Variants in SURF1 observed in about 807,000 individuals in gnomAD.
The protein encoded by SURF1 is surfeit locus protein 1.
Under a neutral mutation model 34.1 loss-of-function variants are expected in SURF1, and 45 were observed. That is an observed-to-expected ratio of 1.32 (90% CI 1.04 to 1.69). The LOEUF (loss-of-function observed/expected upper bound fraction) is 1.69. Among genes scored for constraint, SURF1 ranks in the 40% most tolerant of loss-of-function variants. The pLI, the probability that SURF1 is intolerant of heterozygous loss-of-function variation, is 0.00. For synonymous variants in SURF1, 188 were observed against 147.5 expected, an observed-to-expected ratio of 1.27 and a Z score of -1.99; for missense variants, 456 against 384.6, an observed-to-expected ratio of 1.19 and a Z score of -1.55.
At chr9:133,353,143 C>T (rs1836479569) in intron 5 of SURF1, among the ~76,000 whole-genome samples, 1 of 152,206 alleles carries the variant, frequency 6.6e-6, no homozygotes, top group African/African-American at 2.4e-5. Flanking sequence ...CTAACCAAGG[C>T]AGCCGTGAGG....
intron 7 of SURF1, 80 bp from the exon 8 acceptor site, chr9:133,352,222 C>T (rs923333412): frequency 1.1e-5 from 16 of 1,463,532 alleles, no homozygotes; most frequent in South Asian, 6.0e-5. Context: ...GTCATTTTTG[C>T]GTGGCCAGTT....
Position 133,353,831 on chromosome 9 carries a change from C to A in SURF1, c.433G>T (p.Glu145Ter). Residue 145 changes from glutamate to a stop codon, truncating the protein, a stop_gained, in exon 5 of 9, where the codon GAG (glutamate) becomes TAG (stop). Transcript: ENST00000371974. LOFTEE classifies it high-confidence loss of function. ...GAGATGAGGCCGCCCTCCCGGGCCT[C>A]CCGGACAGGGTCCACCATGGTCCGG... ...MPRTMVDPVREAREGGLISSS... is the reference protein window; with the variant it reads ...MPRTMVDPVR 6.2e-7 allele frequency: 1 copy of A among 1,613,820 alleles called. No homozygotes were observed. Among genetic ancestry groups the A allele is most frequent in the Non-Finnish European group, 8.5e-7 (1 of 1,180,044 alleles).
chr9:133,354,340 TGA>T lies in SURF1; in HGVS notation c.323+317_323+318del, dbSNP rs2130016924. 1,831 of 498,336 alleles carry T rather than the reference TGA, an allele frequency of 3.7e-3. 7 individuals carry two copies. Among genetic ancestry groups the T allele is most frequent in the African/African-American group, 0.01 (535 of 51,672 alleles). The allele number at this position is 498,336 out of a possible 1,614,324, so 30.9% of individuals were successfully genotyped here. ...CTTTTTCAAACGACCACCCTCACGG[TGA>T]GACCTACATTATCTGTCCTCAGCCA... On this transcript the variant is annotated intron_variant, in intron 4 of 8. Transcript: ENST00000371974.
chr9:133,352,860 C>A, intron 5 of SURF1, 94 bp from the exon 6 acceptor site: 3 of 1,360,678 alleles, frequency 2.2e-6, no homozygotes, highest in Non-Finnish European at 3.1e-6. Context: ...ACAACTAGAG[C>A]ACCAAGGAAG....
At chr9:133,353,190 C>T (rs2130012544) in intron 5 of SURF1, among the ~76,000 whole-genome samples, 3 of 152,230 alleles carry the variant, frequency 2.0e-5, no homozygotes, top group South Asian at 4.1e-4. Context: ...GAGATGAGTA[C>T]TTGGGCCCCA....
chr9:133,352,860 C>T (rs1836470008), intron 5 of SURF1, 94 bp from the exon 6 acceptor site: 2 of 1,360,676 alleles, frequency 1.5e-6, no homozygotes, highest in African/African-American at 2.9e-5. Flanking sequence ...ACAACTAGAG[C>T]ACCAAGGAAG....
chr9:133,356,090 G>A (rs1263310910), intron 2 of SURF1, 179 bp downstream of exon 2: 9 of 850,936 alleles, frequency 1.1e-5, no homozygotes, highest in African/African-American at 3.4e-5. Context: ...CTACATGCCC[G>A]GCACACGACC....
chr9:133,354,088 T>A (rs113395947), intron 4 of SURF1, 148 bp from the exon 5 acceptor site: 3 of 858,556 alleles, frequency 3.5e-6, no homozygotes, highest in African/African-American at 3.3e-5. Flanking sequence ...TGATGCCATG[T>A]GGGAATGTGG....
chr9:133,352,560 T>C lies in SURF1; in HGVS notation c.637A>G (p.Arg213Gly). 1 of 1,614,216 alleles carries C rather than the reference T, an allele frequency of 6.2e-7. No individual in the cohort carries two copies. The highest frequency in any genetic ancestry group is 8.5e-7 in the Non-Finnish European group (1 of 1,180,038). ...LIGMVRLTETRQPFVPENNPE... is the reference protein window; with the variant it reads ...LIGMVRLTETGQPFVPENNPE... ...TTGTTCTCAGGGACAAAAGGCTGCC[T>C]GGTTTCTGTCAGCCTCACCATCCCA... The change falls in exon 7 of 9, where the codon AGG becomes GGG. Residue 213 changes from arginine (R) to glycine (G), a missense_variant. Coordinates refer to ENST00000371974, the MANE Select transcript of SURF1 (RefSeq NM_003172.4).
At position 133,355,618 on chromosome 9, in the gene SURF1, G is replaced by A. The variant is rs148351274; in HGVS notation, c.106+651C>T. Among the ~76,000 whole-genome samples, 162 of 152,326 alleles carry A rather than the reference G, an allele frequency of 1.1e-3. 3 individuals are homozygous for A. Among genetic ancestry groups the A allele is most frequent in the Non-Finnish European group, 4.3e-4 (29 of 68,042 alleles). ...GCAGCTACAGTTACTAAGTAGCTTAGTCAGGCACTAGTGGTTGTTGTGTTA... is the reference window on the plus strand; with the variant it reads ...GCAGCTACAGTTACTAAGTAGCTTAATCAGGCACTAGTGGTTGTTGTGTTA... On this transcript the variant is annotated intron_variant, in intron 2 of 8. Transcript: ENST00000371974.
rs2130008362 is a variant in SURF1 at position 133,352,606 on chromosome 9, A to T, written c.591T>A (p.Ile197=). Residue 197 remains isoleucine, a splice_region_variant and synonymous_variant, in exon 7 of 9, where the codon ATT becomes ATA. Coordinates refer to ENST00000371974, the MANE Select transcript of SURF1 (RefSeq NM_003172.4). ...TCCCAATGAGGTCCACTTCTCCCTCAATCTATAAAGGAAGGTGTGTGAGAT... is the reference window on the plus strand; with the variant it reads ...TCCCAATGAGGTCCACTTCTCCCTCTATCTATAAAGGAAGGTGTGTGAGAT... ...VNPETRQKGQ[I]EGEVDLIGMV... is the part of the protein sequence containing the mutation. 2.6e-5 allele frequency: 42 copies of T among 1,613,982 alleles called. No homozygotes were observed. The African/African-American group carries it at 3.7e-4, about 14-fold the overall frequency.
rs1836532652 is a variant in SURF1, at chr9:133,354,961, G to C, written c.107-4C>G. 1.2e-6 allele frequency: 2 copies of C among 1,612,966 alleles called. No individual in the cohort carries two copies. The highest frequency in any genetic ancestry group is 2.7e-5 in the African/African-American group (2 of 74,916). On this transcript the variant is annotated splice_region_variant and splice_polypyrimidine_tract_variant and intron_variant, in intron 2 of 8. Transcript: ENST00000371974. ...CTGCTTGGCCTCCAGGCCACCCCTG[G>C]AGAGTTTCACAACACTGACATGGAG... is the stretch of plus-strand genomic sequence containing the variant.
intron 2 of SURF1, among the ~76,000 whole-genome samples, chr9:133,355,371 G>C (rs911748807): frequency 6.6e-6 from 1 of 152,198 alleles, no homozygotes; most frequent in South Asian, 2.1e-4. Context: ...ACGAGATCAG[G>C]AGTTCGAGAC....
chr9:133,352,167 C>T (rs2130005305), intron 7 of SURF1, 25 bp from the exon 8 acceptor site: 4 of 1,572,866 alleles, frequency 2.5e-6, no homozygotes, highest in South Asian at 2.3e-5. Flanking sequence ...GACTCAAGTC[C>T]ACCCCCTACT....
chr9:133,353,627 C>A, intron 5 of SURF1, 122 bp downstream of exon 5: 1 of 1,123,060 alleles, frequency 8.9e-7, no homozygotes, highest in Non-Finnish European at 1.3e-6. Flanking sequence ...ATTGAATCTC[C>A]TGGGTATCTT....
intron 5 of SURF1, 52 bp downstream of exon 5, chr9:133,353,697 T>C: frequency 6.2e-7 from 1 of 1,603,050 alleles, no homozygotes; most frequent in Non-Finnish European, 8.5e-7. Flanking sequence ...TGTAAATTAG[T>C]ATACCCTGAC....
rs1159375387 is a variant in SURF1 at position 133,354,874 on chromosome 9, A to G, written c.190T>C (p.Trp64Arg). The change falls in exon 3 of 9, where the codon TGG becomes CGG. Residue 64 changes from tryptophan to arginine, a missense_variant. Coordinates refer to ENST00000371974, the MANE Select transcript of SURF1 (RefSeq NM_003172.4). ...GTCACAGGGATGAGGAGCAGGACCC[A>G]CTGAAGAAAGGAGTCATCTTCCGCT... ...TKAEDDSFLQWVLLLIPVTAF... is the reference protein window; with the variant it reads ...TKAEDDSFLQRVLLLIPVTAF... 5 of 1,614,014 alleles carry G rather than the reference A, an allele frequency of 3.1e-6. No homozygotes were observed. The highest frequency in any genetic ancestry group is 1.1e-5 in the South Asian group (1 of 91,084).
intron 2 of SURF1, chr9:133,356,010 T>G (rs950316773): frequency 3.5e-6 from 2 of 569,006 alleles, no homozygotes; most frequent in Non-Finnish European, 6.3e-6. Flanking sequence ...CGGAAGTAAC[T>G]CTCGAGCCTT....
At chr9:133,356,035 A>C in intron 2 of SURF1, 1 of 591,016 alleles carries the variant, frequency 1.7e-6, no homozygotes, top group South Asian at 2.0e-5. Context: ...GTAACAGGGG[A>C]ACGACCAAGG....
Sources: gnomAD v4.1 joint callset for allele counts (sites outside exome capture counted in the v4.1 genomes callset) on GRCh38, gnomAD v4.1.1 for gene constraint, MANE v1.5 for transcripts, NCBI Gene and HGNC (gene_info 2026-07-23, HGNC 2026-07-21) for gene names.